Variants in UBE2J1 observed in about 807,000 individuals in gnomAD.
UBE2J1 encodes the protein ubiquitin-conjugating enzyme E2 J1.
Under a neutral mutation model 42.1 loss-of-function variants are expected in UBE2J1, and 17 were observed. That is an observed-to-expected ratio of 0.40 (90% CI 0.28 to 0.61). The LOEUF is 0.61. Among genes scored for constraint, UBE2J1 ranks in the 20% least tolerant of loss-of-function variants. The pLI is 0.38. For synonymous variants in UBE2J1, 127 were observed against 137.2 expected (o/e 0.93, Z 0.52); for missense variants, 291 against 389.4 (o/e 0.75, Z 2.13).
chr6:89,348,380 G>A (rs916951878), intron 1 of UBE2J1, among the ~76,000 whole-genome samples: 2 of 152,130 alleles, frequency 1.3e-5, no homozygotes, highest in Admixed American at 1.3e-4. Context: ...TTTGTATACA[G>A]CTAAAAATAA....
chr6:89,332,991 A>T, intron 7 of UBE2J1, 95 bp downstream of exon 7: 1 of 1,256,284 alleles, frequency 8.0e-7, no homozygotes, highest in Non-Finnish European at 1.1e-6. Context: ...AAGAGAACCA[A>T]ATTTTTCAGA....
intron 3 of UBE2J1, among the ~76,000 whole-genome samples, 159 bp downstream of exon 3, chr6:89,342,165 A>G (rs1289884793): frequency 6.6e-6 from 1 of 152,212 alleles, no homozygotes; most frequent in Non-Finnish European, 1.5e-5. Context: ...GCTTCCTAGG[A>G]ATTATTTTGG....
At chr6:89,332,363 T>C (rs1175566689) in intron 7 of UBE2J1, among the ~76,000 whole-genome samples, 1 of 152,218 alleles carries the variant, frequency 6.6e-6, no homozygotes, top group African/African-American at 2.4e-5. Flanking sequence ...TCACTCTCTC[T>C]GATCACCTAG....
At position 89,338,670 on chromosome 6, in the gene UBE2J1, T is replaced by TG. The variant is rs1190267864; in HGVS notation, c.238-128_238-127insC. 23 of 218,774 alleles carry TG rather than the reference T, an allele frequency of 1.1e-4. No individual in the cohort carries two copies. In the South Asian group the frequency reaches 1.8e-3, roughly 17 times the overall value. 13.6% of individuals were successfully genotyped at this position (218,774 alleles called of 1,614,324 possible). A position where few individuals can be genotyped will look rare whatever the true frequency, so the allele number is the denominator to read the frequency against. ...CTTAAAAAGTTTGTTTTTTTTTTTTTTTTTTTTTTTTTTGAGATGGAGTCT... is the reference window on the plus strand; with the variant it reads ...CTTAAAAAGTTTGTTTTTTTTTTTTTGTTTTTTTTTTTTTGAGATGGAGTCT... On this transcript the variant is annotated intron_variant, in intron 3 of 7. Transcript: ENST00000435041.
chr6:89,336,085 G>A (rs556500172), intron 5 of UBE2J1, among the ~76,000 whole-genome samples: 4 of 152,238 alleles, frequency 2.6e-5, no homozygotes, highest in African/African-American at 7.2e-5. Flanking sequence ...AGTCCTCTGA[G>A]GATATGAATG....
chr6:89,332,937 A>G, intron 7 of UBE2J1, 149 bp downstream of exon 7: 1 of 584,040 alleles, frequency 1.7e-6, no homozygotes, highest in South Asian at 3.5e-5. Context: ...CTTGCTCAAC[A>G]TAATAATTCA....
intron 1 of UBE2J1, among the ~76,000 whole-genome samples, chr6:89,348,279 T>A (rs948495408): frequency 2.6e-5 from 4 of 152,192 alleles, no homozygotes; most frequent in Non-Finnish European, 4.4e-5. Flanking sequence ...AGAGGCCACA[T>A]GGACACTCTG....
rs1208173323 is a variant in UBE2J1, at chr6:89,335,351, C to T, written c.509G>A (p.Ser170Asn). 4 of 1,609,344 alleles carry T rather than the reference C, an allele frequency of 2.5e-6. No individual in the cohort carries two copies. The highest frequency in any genetic ancestry group is 1.3e-5 in the African/African-American group (1 of 74,824). ...TTCTTTGGCTTCTTGGTCAGCTTGG[C>T]TTGAATCGCTTCCAGATTTTAAAGG... ...LLPLKSGSDSSQADQEAKELA... is the reference protein window; with the variant it reads ...LLPLKSGSDSNQADQEAKELA... Residue 170 changes from serine to asparagine, a missense_variant, in exon 6 of 8, where the codon AGC becomes AAC. Transcript: ENST00000435041.
chr6:89,352,571 G>T lies in UBE2J1; in HGVS notation c.-2C>A. The T allele has an allele frequency of 1.3e-6, 2 of 1,568,716 alleles. No individual in the cohort carries two copies. The highest frequency in any genetic ancestry group is 2.3e-5 in the South Asian group (2 of 87,142). On this transcript the variant is annotated 5_prime_UTR_variant, in exon 1 of 8. Transcript: ENST00000435041. ...CTTCAGGTTGTAGCGGGTCTCCATG[G>T]TGGGTCGCTGGCTTGGCTCCGGCCT...
At position 89,327,922 on chromosome 6, in the gene UBE2J1, A is replaced by C. The variant is rs933913678; in HGVS notation, c.*1757T>G. On this transcript the variant is annotated 3_prime_UTR_variant, in exon 8 of 8. Transcript: ENST00000435041. ...GAATCAAGGTTTCTAATATGTTTCA[A>C]ATCAAGATTTTAGAGTGTATTTTCT... 1 of 152,210 alleles carries C rather than the reference A, an allele frequency of 6.6e-6. No homozygotes were observed. Among genetic ancestry groups the C allele is most frequent in the African/African-American group, 2.4e-5 (1 of 41,452 alleles). 9.4% of individuals were successfully genotyped at this position (152,210 alleles called of 1,614,324 possible).
rs182078588 is a variant in UBE2J1 at position 89,331,220 on chromosome 6, G to A, written c.679-1263C>T. On this transcript the variant is annotated intron_variant, in intron 7 of 7. Coordinates refer to ENST00000435041, the MANE Select transcript of UBE2J1 (RefSeq NM_016021.3). ...CCACCCTTAGCCAAACCAGGTTTCAGTTACTTTCATAGTGGTCAAATTATA... is the reference window on the plus strand; with the variant it reads ...CCACCCTTAGCCAAACCAGGTTTCAATTACTTTCATAGTGGTCAAATTATA... Among the ~76,000 whole-genome samples the A allele has an allele frequency of 1.7e-3, 264 of 151,704 alleles. 2 individuals carry two copies. Among genetic ancestry groups the A allele is most frequent in the African/African-American group, 6.1e-3 (252 of 41,022 alleles).
intron 5 of UBE2J1, among the ~76,000 whole-genome samples, chr6:89,336,038 T>G (rs1455730125): frequency 6.6e-6 from 1 of 152,192 alleles, no homozygotes; most frequent in Non-Finnish European, 1.5e-5. Flanking sequence ...TCCCTTTGTA[T>G]TCCAGATATA....
At chr6:89,350,796 C>T (rs1373213640) in intron 1 of UBE2J1, among the ~76,000 whole-genome samples, 1 of 152,092 alleles carries the variant, frequency 6.6e-6, no homozygotes, top group African/African-American at 2.4e-5. Flanking sequence ...GCGATGTTTT[C>T]TGACAACAAT....
chr6:89,341,269 G>A (rs1308386677), intron 3 of UBE2J1, among the ~76,000 whole-genome samples: 1 of 152,148 alleles, frequency 6.6e-6, no homozygotes. Context: ...GCCAAACTAC[G>A]GAAAGGATGC....
At chr6:89,342,647 AG>A (rs1768270085) in intron 2 of UBE2J1, among the ~76,000 whole-genome samples, 192 bp from the exon 3 acceptor site, 1 of 152,262 alleles carries the variant, frequency 6.6e-6, no homozygotes, top group African/African-American at 2.4e-5. Context: ...TATTTAATCT[AG>A]CTTTCATGTT....
intron 7 of UBE2J1, 85 bp downstream of exon 7, chr6:89,333,001 A>C (rs1231152906): frequency 7.7e-7 from 1 of 1,302,882 alleles, no homozygotes; most frequent in African/African-American, 1.5e-5. Context: ...AATTTTTCAG[A>C]TATTTGATCC....
Position 89,336,745 on chromosome 6 carries a change from T to C in UBE2J1, c.429-1314A>G, listed in dbSNP as rs530750837. On this transcript the variant is annotated intron_variant, in intron 5 of 7. Coordinates refer to ENST00000435041, the MANE Select transcript of UBE2J1 (RefSeq NM_016021.3). ...TTATTTGCTTCAAAATGTATTCACTTTTAACTGAGTCAGATGAACCTTAAG... is the reference window on the plus strand; with the variant it reads ...TTATTTGCTTCAAAATGTATTCACTCTTAACTGAGTCAGATGAACCTTAAG... Among the ~76,000 whole-genome samples, 595 of 152,246 alleles carry C rather than the reference T, an allele frequency of 3.9e-3. 2 individuals carry two copies. The highest frequency in any genetic ancestry group is 0.013 in the African/African-American group (551 of 41,554).
intron 3 of UBE2J1, among the ~76,000 whole-genome samples, chr6:89,338,852 A>C (rs1446330287): frequency 5.3e-5 from 8 of 151,822 alleles, no homozygotes; most frequent in South Asian, 2.1e-4. Flanking sequence ...TTTTTAGTAG[A>C]GACGGGGTTT....
intron 3 of UBE2J1, among the ~76,000 whole-genome samples, 186 bp from the exon 4 acceptor site, chr6:89,338,729 G>C (rs1355162654): frequency 7.9e-6 from 1 of 127,058 alleles, no homozygotes; most frequent in African/African-American, 3.0e-5. Flanking sequence ...GCAGTGGTGT[G>C]ATATCAGCTC....
Sources: gnomAD v4.1 joint callset for allele counts (sites outside exome capture counted in the v4.1 genomes callset) on GRCh38, gnomAD v4.1.1 for gene constraint, MANE v1.5 for transcripts, NCBI Gene and HGNC (gene_info 2026-07-23, HGNC 2026-07-21) for gene names.